BNC2: variants seen among roughly 807,000 people sequenced by gnomAD.
BNC2 encodes the protein basonuclin zinc finger protein 2, also known as zinc finger protein basonuclin-2.
Under a neutral mutation model 76.3 loss-of-function variants are expected in BNC2, and 20 were observed. That is an observed-to-expected ratio of 0.26 (90% CI 0.18 to 0.38). The LOEUF (loss-of-function observed/expected upper bound fraction) is 0.38. Ranked by LOEUF, BNC2 falls within the 10% of genes least tolerant of loss-of-function variation. BNC2 has a pLI of 1.00. For missense variants in BNC2, 1,382 were observed against 1,399.8 expected, an observed-to-expected ratio of 0.99 and a Z score of 0.20; for synonymous variants, 582 against 514.8, an observed-to-expected ratio of 1.13 and a Z score of -1.77.
intron 5 of BNC2, among the ~76,000 whole-genome samples, chr9:16,449,510 T>C (rs1319662022): frequency 6.6e-6 from 1 of 152,174 alleles, no homozygotes; most frequent in African/African-American, 2.4e-5. Context: ...CTTTATCTCA[T>C]AGGCAGGGTT....
chr9:16,526,722 G>T (rs1045211617), intron 5 of BNC2, among the ~76,000 whole-genome samples: 1 of 152,018 alleles, frequency 6.6e-6, no homozygotes, highest in African/African-American at 2.4e-5. Flanking sequence ...ACCATGATAT[G>T]TCAATGGAAA....
chr9:16,870,224 C>T (rs1819645838), intron 1 of BNC2, among the ~76,000 whole-genome samples: 1 of 152,222 alleles, frequency 6.6e-6, no homozygotes, highest in South Asian at 2.1e-4. Flanking sequence ...CCCGTAGGTC[C>T]CAGCCGCCTT....
At chr9:16,781,246 G>GATCTGGATTCAAGATCTCATGTT (rs58363689) in intron 1 of BNC2, among the ~76,000 whole-genome samples, 1 of 151,812 alleles carries the variant, frequency 6.6e-6, no homozygotes, top group Non-Finnish European at 1.5e-5. Context: ...AAGGTCTGAA[G>GATCTGGATTCAAGATCTCATGTT]ATCAGGGCTG....
intron 1 of BNC2, among the ~76,000 whole-genome samples, chr9:16,750,050 T>A (rs73646208): frequency 0.05 from 7,668 of 152,254 alleles, 644 homozygotes; most frequent in African/African-American, 0.18. Context: ...TAATAGGAAA[T>A]GGACAGCCCA....
intron 5 of BNC2, among the ~76,000 whole-genome samples, chr9:16,469,090 A>G (rs1486854626): frequency 1.3e-5 from 2 of 152,224 alleles, no homozygotes; most frequent in African/African-American, 2.4e-5. Context: ...TGTGCTTTTT[A>G]TATTTTAAAC....
chr9:16,677,812 T>G (rs1266095001), intron 3 of BNC2, among the ~76,000 whole-genome samples: 2 of 152,194 alleles, frequency 1.3e-5, no homozygotes. Context: ...TCAATGAGTA[T>G]TCTGCATTCC....
chr9:16,776,297 C>G (rs1488254032), intron 1 of BNC2, among the ~76,000 whole-genome samples: 2 of 152,098 alleles, frequency 1.3e-5, no homozygotes, highest in African/African-American at 4.8e-5. Flanking sequence ...CCCACCACCA[C>G]GCCCTGCTAT....
At chr9:16,498,222 C>CATAT (rs201159586) in intron 5 of BNC2, among the ~76,000 whole-genome samples, 3 of 90,778 alleles carry the variant, frequency 3.3e-5, no homozygotes, top group African/African-American at 1.1e-4. Flanking sequence ...TATATTCCAT[C>CATAT]ATATATATAT....
chr9:16,634,502 C>CT (rs544660364), intron 3 of BNC2, among the ~76,000 whole-genome samples: 46,392 of 135,870 alleles, frequency 0.34, 8,206 homozygotes, highest in Non-Finnish European at 0.37. Flanking sequence ...CTTCAAATAT[C>CT]TTTTTTTTTT....
chr9:16,638,724 A>C (rs1039665458), intron 3 of BNC2, among the ~76,000 whole-genome samples: 4 of 152,150 alleles, frequency 2.6e-5, no homozygotes, highest in African/African-American at 9.6e-5. Flanking sequence ...AAATACACTA[A>C]ACAGAAAATG....
At chr9:16,555,282 C>T (rs1399384743) in intron 4 of BNC2, among the ~76,000 whole-genome samples, 3 of 152,060 alleles carry the variant, frequency 2.0e-5, no homozygotes, top group Admixed American at 6.5e-5. Context: ...CTCGGCCTCC[C>T]AAAGTGCCGG....
intron 3 of BNC2, among the ~76,000 whole-genome samples, chr9:16,677,530 G>A (rs536251776): frequency 6.6e-6 from 1 of 151,296 alleles, no homozygotes; most frequent in Non-Finnish European, 1.5e-5. Flanking sequence ...CCAAGATCGC[G>A]CCACTGCACT....
At chr9:16,726,927 C>A (rs1385376565) in intron 3 of BNC2, 2 of 152,288 alleles carry the variant, frequency 1.3e-5, no homozygotes, top group Non-Finnish European at 2.9e-5. Context: ...AGGAGACCGG[C>A]GCACAGGGCG....
chr9:16,620,793 T>G (rs539739818), intron 3 of BNC2, among the ~76,000 whole-genome samples: 2 of 152,102 alleles, frequency 1.3e-5, no homozygotes, highest in South Asian at 4.2e-4. Flanking sequence ...AGTAGATGAG[T>G]GAATATTTAA....
At chr9:16,662,339 C>T (rs189346409) in intron 3 of BNC2, among the ~76,000 whole-genome samples, 189 of 152,286 alleles carry the variant, frequency 1.2e-3, no homozygotes, top group Non-Finnish European at 2.3e-3. Flanking sequence ...TACACCACAT[C>T]GCCAATACTT....
intron 5 of BNC2, among the ~76,000 whole-genome samples, chr9:16,438,488 T>C (rs982664344): frequency 6.6e-6 from 1 of 152,164 alleles, no homozygotes; most frequent in Non-Finnish European, 1.5e-5. Flanking sequence ...AACTATGAGA[T>C]TTGCCTGGAG....
chr9:16,835,733 C>T (rs1818691529), intron 1 of BNC2, among the ~76,000 whole-genome samples: 1 of 152,284 alleles, frequency 6.6e-6, no homozygotes, highest in Non-Finnish European at 1.5e-5. Context: ...TACTTAATAT[C>T]TATCTAGCAG....
chr9:16,680,078 C>G lies in BNC2; in HGVS notation c.330+47719G>C, dbSNP rs1032609092. Among the ~76,000 whole-genome samples the G allele has an allele frequency of 2.6e-5, 4 of 152,136 alleles. No individual in the cohort carries two copies. The South Asian group carries it at 6.2e-4, about 24-fold the overall frequency. On this transcript the variant is annotated intron_variant, in intron 3 of 6. Coordinates refer to ENST00000380672, the MANE Select transcript of BNC2 (RefSeq NM_017637.6). ...GGGTAAACAGTTTGAAATCACTGTCCTCATGTTCAACTGTGATTATGTTCT... is the reference window on the plus strand; with the variant it reads ...GGGTAAACAGTTTGAAATCACTGTCGTCATGTTCAACTGTGATTATGTTCT...
chr9:16,468,643 G>A (rs752290610), intron 5 of BNC2, among the ~76,000 whole-genome samples: 4 of 151,870 alleles, frequency 2.6e-5, no homozygotes, highest in African/African-American at 4.8e-5. Flanking sequence ...ATCCCACCTC[G>A]GCCTCCCAAA....
Sources: gnomAD v4.1 joint callset for allele counts (sites outside exome capture counted in the v4.1 genomes callset) on GRCh38, gnomAD v4.1.1 for gene constraint, MANE v1.5 for transcripts, NCBI Gene and HGNC (gene_info 2026-07-23, HGNC 2026-07-21) for gene names.